IL34: variants seen among roughly 807,000 people sequenced by gnomAD.
IL34 encodes interleukin 34, also known as interleukin-34.
IL34 carries 17 observed loss-of-function variants against 25.3 expected under a neutral mutation model. The observed-to-expected ratio is 0.67, with a 90% CI of 0.46 to 1.01. The LOEUF (loss-of-function observed/expected upper bound fraction) is 1.01, where lower values mean the gene tolerates loss of function less well. IL34 is among the 50% of genes least tolerant of loss of function. The pLI is 0.00. For synonymous variants in IL34, 174 were observed against 140.9 expected (o/e 1.23, Z -1.66); for missense variants, 368 against 312.9 (o/e 1.18, Z -1.33).
intron 1 of IL34, among the ~76,000 whole-genome samples, chr16:70,641,313 G>C (rs1774467780): frequency 6.6e-6 from 1 of 151,936 alleles, no homozygotes; most frequent in African/African-American, 2.4e-5. Context: ...ACAAAAACTT[G>C]CACATGGATT....
At chr16:70,587,256 C>T (rs962931847) in intron 1 of IL34, among the ~76,000 whole-genome samples, 2 of 151,912 alleles carry the variant, frequency 1.3e-5, no homozygotes, top group Non-Finnish European at 2.9e-5. Context: ...ACCACACAGC[C>T]GCAGACAGCG....
rs544571295 is a variant in IL34, at chr16:70,609,834, G to A, written c.-401+29785G>A. Among the ~76,000 whole-genome samples, 195 of 152,308 alleles carry A rather than the reference G, an allele frequency of 1.3e-3. 1 individual carries two copies. The highest frequency in any genetic ancestry group is 5.6e-3 in the South Asian group (27 of 4,822). On this transcript the variant is annotated intron_variant, in intron 1 of 6. Transcript: ENST00000429149. Reference sequence around the variant, plus strand: ...TGCCTCTTGCAGGTGCCAGTGGGGAGAGAGAAACTCAGATCTATAGCTAGA... The same window carrying A: ...TGCCTCTTGCAGGTGCCAGTGGGGAAAGAGAAACTCAGATCTATAGCTAGA...
chr16:70,580,638 G>T (rs763825675), intron 1 of IL34, among the ~76,000 whole-genome samples: 1 of 151,922 alleles, frequency 6.6e-6, no homozygotes, highest in South Asian at 2.1e-4. Flanking sequence ...AAAGTTAGCC[G>T]GGTGTGGTGG....
intron 1 of IL34, among the ~76,000 whole-genome samples, chr16:70,621,228 G>A (rs187392355): frequency 7.8e-4 from 119 of 152,270 alleles, no homozygotes; most frequent in African/African-American, 1.7e-3. Context: ...CCCTTGAAGC[G>A]TGCCTGTATA....
At chr16:70,594,953 CTCTT>C (rs1428646948) in intron 1 of IL34, among the ~76,000 whole-genome samples, 37 of 137,814 alleles carry the variant, frequency 2.7e-4, no homozygotes, top group African/African-American at 7.6e-4. Flanking sequence ...CTCTCTCTCT[CTCTT>C]TTTTTTTTTT....
intron 1 of IL34, among the ~76,000 whole-genome samples, chr16:70,633,413 C>T (rs933571468): frequency 5.4e-5 from 8 of 147,082 alleles, no homozygotes; most frequent in African/African-American, 2.0e-4. Context: ...ACCACCATGC[C>T]TGGCTAATTA....
chr16:70,635,177 A>G (rs188697526), intron 1 of IL34, among the ~76,000 whole-genome samples: 4 of 152,302 alleles, frequency 2.6e-5, no homozygotes, highest in African/African-American at 7.2e-5. Context: ...CAGTCTTCCA[A>G]AATGACAATC....
intron 1 of IL34, among the ~76,000 whole-genome samples, chr16:70,652,014 G>A (rs2052093026): frequency 6.6e-6 from 1 of 152,016 alleles, no homozygotes; most frequent in Non-Finnish European, 1.5e-5. Context: ...TGTAATCCCA[G>A]CTACTCGGGA....
chr16:70,588,223 T>C (rs991962846), intron 1 of IL34, among the ~76,000 whole-genome samples: 1 of 151,982 alleles, frequency 6.6e-6, no homozygotes, highest in Non-Finnish European at 1.5e-5. Flanking sequence ...CGGTGGCTCA[T>C]GCGTGTAATC....
chr16:70,616,140 C>T (rs565260483), intron 1 of IL34, among the ~76,000 whole-genome samples: 89 of 152,288 alleles, frequency 5.8e-4, no homozygotes, highest in Admixed American at 1.3e-3. Flanking sequence ...CTATCACAGA[C>T]GCTGATGAGA....
At chr16:70,642,234 AAGAGAC>A (rs1160159512), upstream of IL34, among the ~76,000 whole-genome samples, 6 of 151,478 alleles carry the variant, frequency 4.0e-5, no homozygotes, top group Admixed American at 6.6e-5. Flanking sequence ...TGAGTATGGG[AAGAGAC>A]AGAGAGAGAG....
intron 1 of IL34, among the ~76,000 whole-genome samples, chr16:70,588,302 T>A (rs146373658): frequency 8.2e-4 from 124 of 152,138 alleles, no homozygotes; most frequent in Non-Finnish European, 1.4e-3. Flanking sequence ...AAGACCAGCC[T>A]GGCCAACATG....
intron 1 of IL34, among the ~76,000 whole-genome samples, chr16:70,595,290 CT>C (rs2050806206): frequency 6.6e-6 from 1 of 151,584 alleles, no homozygotes; most frequent in African/African-American, 2.4e-5. Context: ...TCTGTTTCCT[CT>C]CTAGTTTTCT....
rs776035506 is a variant in IL34, at chr16:70,656,688, C to G, written c.240+9C>G. The G allele has an allele frequency of 7.9e-7, 1 of 1,269,374 alleles. No homozygotes were observed. Among genetic ancestry groups the G allele is most frequent in the South Asian group, 1.2e-5 (1 of 84,226 alleles). The allele number at this position is 1,269,374 out of a possible 1,614,324, so 78.6% of individuals were successfully genotyped here. A position where few individuals can be genotyped will look rare whatever the true frequency, so the allele number is the denominator to read the frequency against. On this transcript the variant is annotated intron_variant, in intron 3 of 5. Transcript: ENST00000288098. ...CCAACGTCACCAGGCTGGTGAGAAT[C>G]CCTTCCTGGGCTGGGGGGACCCTGC... is the stretch of plus-strand genomic sequence containing the variant.
Position 70,646,662 on chromosome 16 carries a change from A to G in IL34, c.-286A>G. On this transcript the variant is annotated 5_prime_UTR_variant, in exon 1 of 6. Coordinates refer to ENST00000288098, the MANE Select transcript of IL34 (RefSeq NM_001393494.1). ...CTCCTCCTGCTCCTTGGAAAGGAAG[A>G]CCCCGAAAGACCCCCAAGCCACCGG... The G allele has an allele frequency of 2.4e-6, 1 of 424,320 alleles. No individual in the cohort carries two copies. The highest frequency in any genetic ancestry group is 4.1e-6 in the Non-Finnish European group (1 of 242,048). The allele number at this position is 424,320 out of a possible 1,614,324, so 26.3% of individuals were successfully genotyped here.
intron 1 of IL34, among the ~76,000 whole-genome samples, chr16:70,600,581 C>A (rs1385954873): frequency 6.6e-6 from 1 of 152,180 alleles, no homozygotes; most frequent in Non-Finnish European, 1.5e-5. Flanking sequence ...TCTTAGCATC[C>A]CCTCTGAAAT....
intron 1 of IL34, among the ~76,000 whole-genome samples, chr16:70,607,239 C>T (rs1175641585): frequency 6.6e-6 from 1 of 152,066 alleles, no homozygotes; most frequent in Non-Finnish European, 1.5e-5. Flanking sequence ...GTAGCCGGGA[C>T]TACAGGTGCC....
chr16:70,655,239 G>T (rs2052185973), intron 2 of IL34, among the ~76,000 whole-genome samples: 1 of 150,660 alleles, frequency 6.6e-6, no homozygotes, highest in South Asian at 2.1e-4. Flanking sequence ...TTTTAGTAGA[G>T]ACGGGGTTTC....
rs377689102 is a variant in IL34, at chr16:70,590,418, C to T, written c.-401+10369C>T. ...GGAGGCAGGTAAGGAGGTGCCTGTG[C>T]GAGGTGGGGGTGGAGCCAAGGCTGT... On this transcript the variant is annotated intron_variant, in intron 1 of 6. Transcript: ENST00000429149. Among the ~76,000 whole-genome samples the T allele has an allele frequency of 7.2e-5, 11 of 152,234 alleles. No individual in the cohort carries two copies. The South Asian group carries it at 8.3e-4, about 11-fold the overall frequency.
Sources: gnomAD v4.1 joint callset for allele counts (sites outside exome capture counted in the v4.1 genomes callset) on GRCh38, gnomAD v4.1.1 for gene constraint, MANE v1.5 for transcripts, NCBI Gene and HGNC (gene_info 2026-07-23, HGNC 2026-07-21) for gene names.